Variants in CD36 observed in about 807,000 individuals in gnomAD.
CD36 encodes the protein platelet glycoprotein 4.
CD36 carries 119 observed loss-of-function variants against 55.2 expected under a neutral mutation model. That is an observed-to-expected ratio of 2.15 (90% CI 1.86 to 2.51). The LOEUF is 2.51. CD36 is among the 30% of genes most tolerant of loss of function. CD36 has a pLI of 0.00. For missense variants in CD36, 819 were observed against 555.5 expected (o/e 1.47, Z -4.77); for synonymous variants, 186 against 193.6 (o/e 0.96, Z 0.33).
chr7:80,611,137 C>T (rs1212272465), intron 1 of CD36, among the ~76,000 whole-genome samples: 2 of 152,232 alleles, frequency 1.3e-5, no homozygotes, highest in South Asian at 2.1e-4. Context: ...CCCTCTTGGG[C>T]CCCACAAACC....
At chr7:80,631,748 T>A (rs559599345) in intron 1 of CD36, among the ~76,000 whole-genome samples, 27 of 151,736 alleles carry the variant, frequency 1.8e-4, no homozygotes, top group African/African-American at 6.5e-4. Flanking sequence ...AAACATGATA[T>A]AAACAAAGTG....
At chr7:80,659,358 G>A (rs1030515870) in intron 4 of CD36, among the ~76,000 whole-genome samples, 2 of 152,124 alleles carry the variant, frequency 1.3e-5, no homozygotes, top group African/African-American at 2.4e-5. Context: ...ATCAAAGCAC[G>A]AAATTGCTTG....
chr7:80,677,412 C>T lies in CD36; in HGVS notation c.*1029C>T, dbSNP rs990016018. On this transcript the variant is annotated 3_prime_UTR_variant, in exon 15 of 15. Transcript: ENST00000447544. ...AGGATACAGGACAAAGGAATAGTAA[C>T]TGGCCTGTTTGGATACTAAAATCGA... The T allele has an allele frequency of 3.9e-5, 6 of 152,112 alleles. No homozygotes were observed. Among genetic ancestry groups the T allele is most frequent in the Admixed American group, 3.3e-4 (5 of 15,266 alleles). 9.4% of individuals were successfully genotyped at this position (152,112 alleles called of 1,614,324 possible).
intron 2 of CD36, 52 bp from the exon 3 acceptor site, chr7:80,646,600 C>T: frequency 1.0e-6 from 1 of 990,192 alleles, no homozygotes; most frequent in Non-Finnish European, 1.6e-6. Flanking sequence ...GTACTTTGAT[C>T]TTTTTGTACT....
upstream of CD36, among the ~76,000 whole-genome samples, chr7:80,634,491 T>C (rs1794270078): frequency 6.6e-6 from 1 of 152,122 alleles, no homozygotes; most frequent in Non-Finnish European, 1.5e-5. Flanking sequence ...ATCTTCAGCT[T>C]AAAGGTAGGT....
chr7:80,640,050 T>C (rs997936895), intron 1 of CD36: 8 of 152,020 alleles, frequency 5.3e-5, no homozygotes, highest in Admixed American at 3.3e-4. Flanking sequence ...TGCATGTGTG[T>C]GTATTTCCTG....
intron 1 of CD36, among the ~76,000 whole-genome samples, chr7:80,629,972 C>T (rs146699378): frequency 5.3e-4 from 80 of 150,394 alleles, no homozygotes; most frequent in African/African-American, 1.9e-3. Flanking sequence ...AGAAAGAAAA[C>T]CACTGCTATA....
At chr7:80,645,926 T>C (rs1026531009) in intron 1 of CD36, among the ~76,000 whole-genome samples, 162 bp from the exon 2 acceptor site, 2 of 152,198 alleles carry the variant, frequency 1.3e-5, no homozygotes, top group Non-Finnish European at 2.9e-5. Flanking sequence ...TTCCATGTTT[T>C]AAACAGTTTT....
intron 3 of CD36, among the ~76,000 whole-genome samples, chr7:80,650,589 C>T (rs1318606614): frequency 6.6e-6 from 1 of 151,928 alleles, no homozygotes; most frequent in African/African-American, 2.4e-5. Flanking sequence ...CTTTGTTTAG[C>T]TGACTAATAG....
intron 1 of CD36, among the ~76,000 whole-genome samples, chr7:80,618,376 C>T (rs577409068): frequency 3.3e-5 from 5 of 152,234 alleles, no homozygotes; most frequent in African/African-American, 1.2e-4. Context: ...ATTTATAACC[C>T]TACAATGGCC....
intron 1 of CD36, among the ~76,000 whole-genome samples, chr7:80,621,235 A>T (rs188853274): frequency 2.0e-5 from 3 of 152,324 alleles, no homozygotes; most frequent in Admixed American, 2.0e-4. Flanking sequence ...TAGGGTAAAC[A>T]TACTTTTCTA....
chr7:80,648,825 C>T (rs1211974554), intron 3 of CD36, among the ~76,000 whole-genome samples: 1 of 152,020 alleles, frequency 6.6e-6, no homozygotes, highest in Non-Finnish European at 1.5e-5. Flanking sequence ...TCTCAAATAA[C>T]TGCAGTAACC....
At position 80,672,647 on chromosome 7, in the gene CD36, T is replaced by A. The variant is rs1433510343; in HGVS notation, c.1126-123T>A. ...ATAACTATATATGCAGTTTTAAAAG[T>A]TTCAATTAGTCCTGTTTAACCTTAA... On this transcript the variant is annotated intron_variant, in intron 11 of 14. Transcript: ENST00000447544. The A allele has an allele frequency of 4.4e-6, 3 of 689,614 alleles. No homozygotes were observed. The East Asian group carries it at 8.2e-5, about 19-fold the overall frequency. 42.7% of individuals were successfully genotyped at this position (689,614 alleles called of 1,614,324 possible).
intron 14 of CD36, chr7:80,674,388 CAAAT>C (rs1798062408): frequency 6.0e-6 from 2 of 334,986 alleles, no homozygotes; most frequent in Non-Finnish European, 5.6e-6. Context: ...AACAATAGCA[CAAAT>C]AAAGCACTTG....
intron 1 of CD36, among the ~76,000 whole-genome samples, chr7:80,605,456 A>T (rs144629561): frequency 5.3e-5 from 8 of 152,120 alleles, no homozygotes; most frequent in African/African-American, 1.9e-4. Flanking sequence ...TGACCCCACA[A>T]CAACAGCTCC....
intron 8 of CD36, among the ~76,000 whole-genome samples, chr7:80,667,469 C>T (rs1459550880): frequency 6.9e-6 from 1 of 144,850 alleles, no homozygotes; most frequent in South Asian, 2.2e-4. Context: ...GAATCGAATA[C>T]CATGAAGTAA....
intron 3 of CD36, chr7:80,647,258 CTGTG>C (rs3138813): frequency 8.6e-4 from 176 of 204,906 alleles, no homozygotes; most frequent in East Asian, 4.7e-3. Flanking sequence ...AAAAGTAAAA[CTGTG>C]TGTGTGTGTG....
At position 80,672,884 on chromosome 7, in the gene CD36, T is replaced by C. The variant is rs3211949; in HGVS notation, c.1199+41T>C. ...ATGGTTATTTTGATATGATCTGTAG[T>C]ATCGTAGTATCTTCTTGTAAGAACA... On this transcript the variant is annotated intron_variant, in intron 12 of 14. Coordinates refer to ENST00000447544, the MANE Select transcript of CD36 (RefSeq NM_001001548.3). 1.8e-3 allele frequency: 2,171 copies of C among 1,231,250 alleles called. 29 individuals are homozygous for C. The African/African-American group carries it at 0.026, about 15-fold the overall frequency. The allele number at this position is 1,231,250 out of a possible 1,614,324, so 76.3% of individuals were successfully genotyped here.
At chr7:80,673,011 A>AT in intron 12 of CD36, 168 bp downstream of exon 12, 2 of 629,100 alleles carry the variant, frequency 3.2e-6, no homozygotes, top group Middle Eastern at 4.3e-4. Flanking sequence ...AATTTCACAG[A>AT]TTTTGGAATG....
Sources: allele counts gnomAD v4.1 joint callset (sites outside exome capture counted in the v4.1 genomes callset), GRCh38; gene constraint gnomAD v4.1.1; transcripts MANE v1.5; gene names NCBI Gene and HGNC (gene_info 2026-07-23, HGNC 2026-07-21).